The following NIBAN1 variants were observed in gnomAD, a reference collection of about 807,000 sequenced individuals.
NIBAN1 encodes niban apoptosis regulator 1.
A neutral mutation model predicts 75.1 loss-of-function variants in NIBAN1; 81 were observed. That is an observed-to-expected ratio of 1.08 (90% confidence interval 0.90 to 1.30). The LOEUF is 1.30. Among genes scored for constraint, NIBAN1 ranks in the 50% most tolerant of loss-of-function variants. The pLI is 0.00. For missense variants in NIBAN1, 1,133 were observed against 1,128.1 expected (o/e 1.00, Z -0.06); for synonymous variants, 436 against 424.8 (o/e 1.03, Z -0.32).
chr1:184,973,945 C>T (rs1449648910), intron 1 of NIBAN1, among the ~76,000 whole-genome samples: 1 of 152,230 alleles, frequency 6.6e-6, no homozygotes, highest in Non-Finnish European at 1.5e-5. Flanking sequence ...CCGCTGCTCT[C>T]TTGGCGGCCA....
chr1:184,891,662 A>G (rs1656669586), intron 3 of NIBAN1, among the ~76,000 whole-genome samples: 1 of 152,182 alleles, frequency 6.6e-6, no homozygotes, highest in African/African-American at 2.4e-5. Context: ...ATTTATATTC[A>G]TGCCTGTCCA....
Position 184,795,995 on chromosome 1 carries a change from G to T in NIBAN1, c.1769C>A (p.Thr590Lys). 1 of 1,613,718 alleles carries T rather than the reference G, an allele frequency of 6.2e-7. No homozygotes were observed. The highest frequency in any genetic ancestry group is 1.1e-5 in the South Asian group (1 of 91,082). ...VSSLTDLKPP[T>K]GSNQASPARR... is the part of the protein sequence containing the mutation. ...GGCAGGGCTGGCCTGGTTTGACCCT[G>T]TGGGGGGCTTTAGATCTGTTAAGCT... Residue 590 changes from threonine to lysine, a missense_variant, in exon 14 of 14, where the codon ACA (threonine) becomes AAA (lysine). Physicochemically the swap from Thr to Lys is moderately conservative, Grantham distance 78. Transcript: ENST00000367511.
chr1:184,819,006 C>A (rs1204025884), intron 8 of NIBAN1, among the ~76,000 whole-genome samples, 181 bp from the exon 9 acceptor site: 1 of 152,156 alleles, frequency 6.6e-6, no homozygotes, highest in African/African-American at 2.4e-5. Flanking sequence ...AGGAAAACCA[C>A]TGGACCCTTT....
At chr1:184,799,059 T>C (rs1328287512) in intron 12 of NIBAN1, among the ~76,000 whole-genome samples, 1 of 152,180 alleles carries the variant, frequency 6.6e-6, no homozygotes, top group Non-Finnish European at 1.5e-5. Flanking sequence ...ATTATTATTA[T>C]ACTTTAAGTT....
At chr1:184,961,871 C>A (rs1658660172) in intron 1 of NIBAN1, among the ~76,000 whole-genome samples, 1 of 152,216 alleles carries the variant, frequency 6.6e-6, no homozygotes, top group African/African-American at 2.4e-5. Context: ...TAGGACATTG[C>A]TGTGCGTAAG....
At chr1:184,896,191 T>C (rs1656797157) in intron 2 of NIBAN1, among the ~76,000 whole-genome samples, 1 of 152,212 alleles carries the variant, frequency 6.6e-6, no homozygotes, top group African/African-American at 2.4e-5. Flanking sequence ...TGTATGAGCA[T>C]TTCCTTTTCT....
At chr1:184,819,567 C>A (rs1213121423) in intron 8 of NIBAN1, among the ~76,000 whole-genome samples, 1 of 152,136 alleles carries the variant, frequency 6.6e-6, no homozygotes, top group African/African-American at 2.4e-5. Flanking sequence ...GACATGGAAA[C>A]CTGCATTGTT....
At chr1:184,857,590 G>A (rs1655712246) in intron 5 of NIBAN1, among the ~76,000 whole-genome samples, 1 of 152,022 alleles carries the variant, frequency 6.6e-6, no homozygotes, top group African/African-American at 2.4e-5. Flanking sequence ...AGTATTATAC[G>A]ACTGAATTGT....
chr1:184,807,400 T>G (rs1654235075), intron 10 of NIBAN1, among the ~76,000 whole-genome samples: 2 of 152,190 alleles, frequency 1.3e-5, no homozygotes, highest in African/African-American at 4.8e-5. Context: ...GGTTTACTCT[T>G]AATTACGTTA....
At chr1:184,924,944 A>G (rs1657646129) in intron 1 of NIBAN1, among the ~76,000 whole-genome samples, 1 of 151,778 alleles carries the variant, frequency 6.6e-6, no homozygotes, top group Admixed American at 6.6e-5. Context: ...AAGTTTGTCA[A>G]TTTTACTTAT....
At chr1:184,901,824 GCATA>G (rs1236563815) in intron 1 of NIBAN1, among the ~76,000 whole-genome samples, 1 of 152,088 alleles carries the variant, frequency 6.6e-6, no homozygotes, top group Non-Finnish European at 1.5e-5. Flanking sequence ...TTGAATATCT[GCATA>G]CTGTCCCATT....
chr1:184,949,738 T>A (rs898308774), intron 1 of NIBAN1, among the ~76,000 whole-genome samples: 71 of 152,152 alleles, frequency 4.7e-4, no homozygotes, highest in African/African-American at 1.7e-3. Context: ...AAGTTTTCCT[T>A]CAGAGTGACT....
intron 5 of NIBAN1, among the ~76,000 whole-genome samples, chr1:184,864,711 T>C (rs1489812964): frequency 1.3e-5 from 2 of 152,046 alleles, no homozygotes; most frequent in African/African-American, 2.4e-5. Context: ...AGGTCTAATA[T>C]TCAGAACCTT....
At chr1:184,803,357 T>C (rs1654099335) in intron 12 of NIBAN1, among the ~76,000 whole-genome samples, 1 of 152,250 alleles carries the variant, frequency 6.6e-6, no homozygotes, top group African/African-American at 2.4e-5. Flanking sequence ...AAAGTCTGTT[T>C]ATATATAGTC....
chr1:184,934,809 C>T (rs747293278), intron 1 of NIBAN1, among the ~76,000 whole-genome samples: 1 of 152,082 alleles, frequency 6.6e-6, no homozygotes, highest in African/African-American at 2.4e-5. Context: ...GCAGGAGAAT[C>T]GCTTGAATCT....
intron 5 of NIBAN1, among the ~76,000 whole-genome samples, chr1:184,863,588 T>C (rs1655873949): frequency 6.6e-6 from 1 of 152,206 alleles, no homozygotes; most frequent in Non-Finnish European, 1.5e-5. Context: ...ACTTTTACCT[T>C]CTGGAGCAAA....
intron 3 of NIBAN1, among the ~76,000 whole-genome samples, chr1:184,892,387 A>T (rs189065597): frequency 6.6e-6 from 1 of 152,338 alleles, no homozygotes; most frequent in Admixed American, 6.5e-5. Flanking sequence ...AGCCCATAGT[A>T]TGAACCATAT....
intron 10 of NIBAN1, among the ~76,000 whole-genome samples, chr1:184,807,388 T>C (rs941136789): frequency 2.6e-5 from 4 of 152,038 alleles, no homozygotes. Context: ...GATTGATTGA[T>C]TGGTTTACTC....
intron 1 of NIBAN1, among the ~76,000 whole-genome samples, chr1:184,928,813 CT>C (rs1657748873): frequency 1.3e-5 from 2 of 152,076 alleles, no homozygotes; most frequent in African/African-American, 4.8e-5. Flanking sequence ...ATTTTTGGTT[CT>C]TATAAAGGTG....
Sources: allele counts gnomAD v4.1 joint callset (sites outside exome capture counted in the v4.1 genomes callset), GRCh38; gene constraint gnomAD v4.1.1; transcripts MANE v1.5; gene names NCBI Gene and HGNC (gene_info 2026-07-23, HGNC 2026-07-21).